The following CPNE7 variants were observed in gnomAD, a reference collection of about 807,000 sequenced individuals.
CPNE7 encodes copine-7.
CPNE7 carries 78 observed loss-of-function variants against 66.5 expected under a neutral mutation model. The observed-to-expected ratio is 1.17, with a 90% CI of 0.98 to 1.42. CPNE7 has a LOEUF of 1.42. Among genes scored for constraint, CPNE7 ranks in the 40% most tolerant of loss-of-function variants. The pLI is 0.00. For missense variants in CPNE7, 1,012 were observed against 776.6 expected (o/e 1.30, Z -3.60); for synonymous variants, 468 against 336.7 (o/e 1.39, Z -4.27).
intron 9 of CPNE7, among the ~76,000 whole-genome samples, chr16:89,588,203 C>G (rs1255212557): frequency 2.3e-4 from 4 of 17,164 alleles, no homozygotes; most frequent in African/African-American, 5.7e-4. Flanking sequence ...CCCCGTGTCA[C>G]CCGCGTGTCA....
Position 89,585,690 on chromosome 16 carries a change from C to T in CPNE7, c.685C>T (p.Leu229=), listed in dbSNP as rs1392342844. The change falls in exon 7 of 15, where the codon CTG becomes TTG. Residue 229 remains leucine, a synonymous_variant. Coordinates refer to ENST00000319518, the MANE Select transcript of CPNE7 (RefSeq NM_153636.3). ...SCEETRPLKC[L]VWDYDSRGKH... is the part of the protein sequence containing the mutation. Reference sequence around the variant, plus strand: ...TGAGGAGGACTGGGCTCCCCAGTGCCTGGTCTGGGATTACGACTCTCGAGG... The same window carrying T: ...TGAGGAGGACTGGGCTCCCCAGTGCTTGGTCTGGGATTACGACTCTCGAGG... The T allele has an allele frequency of 1.9e-6, 3 of 1,552,798 alleles. No individual in the cohort carries two copies. The highest frequency in any genetic ancestry group is 1.4e-5 in the African/African-American group (1 of 72,474).
Position 89,586,568 on chromosome 16 carries a change from G to A in CPNE7, c.781-102G>A, listed in dbSNP as rs548579109. 1.4e-4 allele frequency: 119 copies of A among 867,108 alleles called. 1 individual carries two copies. Among genetic ancestry groups the A allele is most frequent in the Middle Eastern group, 7.2e-4 (3 of 4,160 alleles). 53.7% of individuals were successfully genotyped at this position (867,108 alleles called of 1,614,324 possible). On this transcript the variant is annotated intron_variant, in intron 7 of 14. Transcript: ENST00000319518. ...TGCCCTCCCCTCCCCTCCCCACCAC[G>A]GGGCCCTCTGCCGTCGCTATTGGGG...
At chr16:89,593,041 AC>A (rs2059199313) in intron 13 of CPNE7, among the ~76,000 whole-genome samples, 1 of 150,770 alleles carries the variant, frequency 6.6e-6, no homozygotes, top group Non-Finnish European at 1.5e-5. Flanking sequence ...CAAACTCCTG[AC>A]CTCAAGTGAT....
intron 1 of CPNE7, 75 bp from the exon 2 acceptor site, chr16:89,577,464 G>T: frequency 6.9e-7 from 1 of 1,446,956 alleles, no homozygotes; most frequent in Non-Finnish European, 9.4e-7. Context: ...TGGGTGAGCG[G>T]CAGAGGGGAG....
intron 9 of CPNE7, among the ~76,000 whole-genome samples, chr16:89,588,421 C>T (rs74037228): frequency 0.095 from 14,517 of 152,212 alleles, 1,783 homozygotes; most frequent in East Asian, 0.64. Flanking sequence ...GCGGGGCCCC[C>T]ACAAGGCCAG....
chr16:89,585,995 A>T (rs2151439316), intron 7 of CPNE7, among the ~76,000 whole-genome samples: 1 of 76,336 alleles, frequency 1.3e-5, no homozygotes, highest in Non-Finnish European at 2.5e-5. Flanking sequence ...GGGGAGGTTC[A>T]GGTGAGGGGG....
intron 2 of CPNE7, among the ~76,000 whole-genome samples, chr16:89,579,396 C>G (rs1214906533): frequency 2.0e-5 from 3 of 152,150 alleles, no homozygotes; most frequent in African/African-American, 7.2e-5. Flanking sequence ...ACAGAACATC[C>G]CGTCACACGG....
rs776609790 is a variant in CPNE7, at chr16:89,587,058, T to G, written c.883T>G (p.Ser295Ala). 2.5e-6 allele frequency: 4 copies of G among 1,580,304 alleles called. No homozygotes were observed. Among genetic ancestry groups the G allele is most frequent in the Non-Finnish European group, 3.4e-6 (4 of 1,163,054 alleles). Residue 295 changes from serine to alanine, a missense_variant, in exon 9 of 15, where the codon TCC (serine) becomes GCC (alanine). Physicochemically the swap from Ser to Ala is moderately conservative, Grantham distance 99. Transcript: ENST00000319518. The stretch of plus-strand genomic sequence containing the variant: ...CGGCCGGAAGTTCCACAGGGTGTAC[T>G]CCTTCCTGGACTATATCATGGGCGG... ...LADLKFHRVY[S>A]FLDYIMGGCQ...
In CPNE7 at chr16:89,596,825, C is replaced by T. The variant is rs1033554345; in HGVS notation, c.*204C>T. ...GGCCGAAGGGTGACAAAATACAGGC[C>T]CCCATGCCTGGCCCTGCCTGAGCCA... On this transcript the variant is annotated 3_prime_UTR_variant, in exon 15 of 15. Coordinates refer to ENST00000319518, the MANE Select transcript of CPNE7 (RefSeq NM_153636.3). 2 of 557,564 alleles carry T rather than the reference C, an allele frequency of 3.6e-6. No homozygotes were observed. 34.5% of individuals were successfully genotyped at this position (557,564 alleles called of 1,614,324 possible). A position where few individuals can be genotyped will look rare whatever the true frequency, so the allele number is the denominator to read the frequency against.
rs2058868111 is a variant in CPNE7 at position 89,576,825 on chromosome 16, C to T, written c.175-714C>T. On this transcript the variant is annotated intron_variant, in intron 1 of 14. Coordinates refer to ENST00000319518, the MANE Select transcript of CPNE7 (RefSeq NM_153636.3). ...TGGAAGGGACGCGGTCACCCGGTGG[C>T]GTCTCCGGTCATCCACCTTGAGGGT... is the stretch of plus-strand genomic sequence containing the variant. Among the ~76,000 whole-genome samples the T allele has an allele frequency of 3.9e-5, 6 of 152,152 alleles. 1 individual carries two copies. Among genetic ancestry groups the T allele is most frequent in the South Asian group, 2.1e-4 (1 of 4,836 alleles).
rs141373824 is a variant in CPNE7 at position 89,595,810 on chromosome 16, CT to C, written c.1539+209del. On this transcript the variant is annotated intron_variant, in intron 14 of 14. Coordinates refer to ENST00000319518, the MANE Select transcript of CPNE7 (RefSeq NM_153636.3). Reference sequence around the variant, plus strand: ...TGAAACACCCTCCACCGTTTTGAAACTTGTCGAATCTACACAAAAGCAGAGA... The same window carrying C: ...TGAAACACCCTCCACCGTTTTGAAACTGTCGAATCTACACAAAAGCAGAGA... 205 of 688,584 alleles carry C rather than the reference CT, an allele frequency of 3.0e-4. No homozygotes were observed. The African/African-American group carries it at 3.3e-3, about 11-fold the overall frequency. 42.7% of individuals were successfully genotyped at this position (688,584 alleles called of 1,614,324 possible). A position where few individuals can be genotyped will look rare whatever the true frequency, so the allele number is the denominator to read the frequency against.
At chr16:89,586,791 A>C in intron 8 of CPNE7, 35 bp downstream of exon 8, 1 of 1,549,242 alleles carries the variant, frequency 6.5e-7, no homozygotes, top group South Asian at 1.1e-5. Context: ...CTCCCCACCC[A>C]CAAGAGGGGC....
chr16:89,586,848 C>T, intron 8 of CPNE7, 92 bp downstream of exon 8: 4 of 1,267,298 alleles, frequency 3.2e-6, no homozygotes, highest in East Asian at 2.4e-5. Flanking sequence ...AACCAGAGGC[C>T]TGGTGGGCCC....
In CPNE7 at chr16:89,591,011, C is replaced by G. The variant is rs1385035905; in HGVS notation, c.1121C>G (p.Ser374Cys). Residue 374 changes from serine (S) to cysteine (C), a missense_variant, in exon 12 of 15, where the codon TCC (serine) becomes TGC (cysteine). Transcript: ENST00000319518. ...AGCCCTCTTGTTCCCACCCAGGTGT[C>G]CCATGACTTTGCCATCAATTTCAAC... is the stretch of plus-strand genomic sequence containing the variant. ...GARIPPKYEV[S>C]HDFAINFNPE... The G allele has an allele frequency of 8.7e-6, 14 of 1,613,584 alleles. No homozygotes were observed. The highest frequency in any genetic ancestry group is 1.1e-5 in the Non-Finnish European group (13 of 1,179,876).
chr16:89,583,982 C>G (rs372418637), intron 3 of CPNE7, 46 bp from the exon 4 acceptor site: 7 of 1,604,750 alleles, frequency 4.4e-6, no homozygotes, highest in East Asian at 2.2e-5. Context: ...ACGGTGGGGT[C>G]AGGCCCCACC....
chr16:89,596,122 G>A lies in CPNE7; in HGVS notation c.1540-362G>A, dbSNP rs570887346. Among the ~76,000 whole-genome samples the A allele has an allele frequency of 7.9e-5, 12 of 152,386 alleles. No individual in the cohort carries two copies. In the East Asian group the frequency reaches 1.5e-3, roughly 20 times the overall value. ...GACATGCATGAAGACACGGACACGT[G>A]ACATTCTACGCAGTGAAACATGCAT... On this transcript the variant is annotated intron_variant, in intron 14 of 14. Transcript: ENST00000319518.
intron 13 of CPNE7, among the ~76,000 whole-genome samples, chr16:89,591,649 G>A (rs2059171712): frequency 6.6e-6 from 1 of 152,146 alleles, no homozygotes; most frequent in Non-Finnish European, 1.5e-5. Context: ...CTGCCACCGT[G>A]TGGCCCTGTA....
chr16:89,578,126 G>A (rs1282595366), intron 2 of CPNE7, among the ~76,000 whole-genome samples: 35 of 145,726 alleles, frequency 2.4e-4, no homozygotes, highest in Non-Finnish European at 4.3e-4. Context: ...GTGCAGTGGC[G>A]TGATCTCGGC....
At position 89,595,237 on chromosome 16, in the gene CPNE7, C is replaced by T. The variant is rs557227891; in HGVS notation, c.1303-130C>T. ...CGTGATGTTTGTGATGTAGGCATCA[C>T]ACTCTGAAGGCGGTTCTAGGAAGCT... On this transcript the variant is annotated intron_variant, in intron 13 of 14. Coordinates refer to ENST00000319518, the MANE Select transcript of CPNE7 (RefSeq NM_153636.3). The T allele has an allele frequency of 2.7e-4, 186 of 699,466 alleles. No homozygotes were observed. In the Middle Eastern group the frequency reaches 3.7e-3, roughly 14 times the overall value. The allele number at this position is 699,466 out of a possible 1,614,324, so 43.3% of individuals were successfully genotyped here.
Sources: gnomAD v4.1 joint callset for allele counts (sites outside exome capture counted in the v4.1 genomes callset) on GRCh38, gnomAD v4.1.1 for gene constraint, MANE v1.5 for transcripts, NCBI Gene and HGNC (gene_info 2026-07-23, HGNC 2026-07-21) for gene names.